Variants in BTG4 observed in about 807,000 individuals in gnomAD.
BTG4 encodes the protein BTG anti-proliferation factor 4.
BTG4 carries 10 observed loss-of-function variants against 19.3 expected under a neutral mutation model. The observed-to-expected ratio is 0.52, with a 90% CI of 0.32 to 0.88. The LOEUF (loss-of-function observed/expected upper bound fraction) is 0.88. Ranked by LOEUF, BTG4 falls within the 40% of genes least tolerant of loss-of-function variation. The pLI is 0.04. For synonymous variants in BTG4, 91 were observed against 95.7 expected, an observed-to-expected ratio of 0.95 and a Z score of 0.29; for missense variants, 238 against 281.9, an observed-to-expected ratio of 0.84 and a Z score of 1.11.
chr11:111,420,685 G>A, the BTG4 span, among the ~76,000 whole-genome samples: 88 of 152,282 alleles, frequency 5.8e-4, no homozygotes, highest in East Asian at 0.016. Flanking sequence ...GAATGCCAGA[G>A]GGATTGCAGT....
chr11:111,496,521 A>C (rs1362914991), intron 4 of BTG4: 1 of 152,222 alleles, frequency 6.6e-6, no homozygotes, highest in Non-Finnish European at 1.5e-5. Context: ...ATGAATATTA[A>C]AATTTTAATT....
chr11:111,447,417 C>T, the BTG4 span, among the ~76,000 whole-genome samples: 24 of 152,336 alleles, frequency 1.6e-4, no homozygotes, highest in East Asian at 4.4e-3. Context: ...CCTGGCTGTA[C>T]ACGCACCAAA....
chr11:111,403,825 G>A, the BTG4 span, among the ~76,000 whole-genome samples: 5 of 152,202 alleles, frequency 3.3e-5, no homozygotes, highest in African/African-American at 1.2e-4. Context: ...AATGATGGTG[G>A]TGATGATAAT....
chr11:111,465,085 CCCAGATCACTTTACCAATA>C (rs1863644045), downstream of BTG4, among the ~76,000 whole-genome samples: 1 of 152,028 alleles, frequency 6.6e-6, no homozygotes, highest in Non-Finnish European at 1.5e-5. Flanking sequence ...CCAAAGGGAC[CCCAGATCACTTTACCAATA>C]CCACTCCTTG....
chr11:111,509,915 T>C (rs1866750186), intron 1 of BTG4, among the ~76,000 whole-genome samples: 3 of 142,564 alleles, frequency 2.1e-5, no homozygotes, highest in East Asian at 2.0e-4. Flanking sequence ...TTTTTTCTTT[T>C]TTTTTTTTTT....
At chr11:111,504,496 T>G (rs992015082) in intron 1 of BTG4, among the ~76,000 whole-genome samples, 1 of 152,216 alleles carries the variant, frequency 6.6e-6, no homozygotes, top group South Asian at 2.1e-4. Context: ...TCTGCATTAC[T>G]GAGCATTCAC....
At chr11:111,433,598 A>G in the BTG4 span, among the ~76,000 whole-genome samples, 10 of 152,378 alleles carry the variant, frequency 6.6e-5, no homozygotes, top group African/African-American at 2.4e-4. Context: ...AAAAGAAACT[A>G]TCATTAGAGT....
chr11:111,441,315 C>T, the BTG4 span, among the ~76,000 whole-genome samples: 1 of 151,900 alleles, frequency 6.6e-6, no homozygotes, highest in Non-Finnish European at 1.5e-5. Context: ...TGCTCATGTT[C>T]CCACAGGAAG....
At chr11:111,453,095 G>A in the BTG4 span, among the ~76,000 whole-genome samples, 2 of 152,160 alleles carry the variant, frequency 1.3e-5, no homozygotes, top group Non-Finnish European at 2.9e-5. Flanking sequence ...GGAACTGGGA[G>A]GGAGACTAAA....
chr11:111,495,315 C>A lies in BTG4; in HGVS notation c.511-1G>T. 2 of 1,600,524 alleles carry A rather than the reference C, an allele frequency of 1.2e-6. No individual in the cohort carries two copies. The highest frequency in any genetic ancestry group is 3.5e-5 in the Admixed American group (2 of 56,410). Reference sequence around the variant, plus strand: ...GAAAGGGCTGTTTCAAGTTTTCAACCTGGAAAAAAAAAGTATAAAGATCTC... The same window carrying A: ...GAAAGGGCTGTTTCAAGTTTTCAACATGGAAAAAAAAAGTATAAAGATCTC... On this transcript the variant is annotated splice_acceptor_variant, in intron 4 of 4. Transcript: ENST00000692032. LOFTEE classifies it high-confidence loss of function.
chr11:111,445,460 T>C, the BTG4 span, among the ~76,000 whole-genome samples: 1 of 152,172 alleles, frequency 6.6e-6, no homozygotes, highest in Non-Finnish European at 1.5e-5. Flanking sequence ...CAGTTCCACA[T>C]CTTTCATCGT....
At chr11:111,446,767 A>T in the BTG4 span, among the ~76,000 whole-genome samples, 1 of 152,188 alleles carries the variant, frequency 6.6e-6, no homozygotes, top group African/African-American at 2.4e-5. Flanking sequence ...AAGGCAAAGC[A>T]GATGACTGAG....
At chr11:111,489,230 G>A (rs1865263764) in intron 5 of BTG4, among the ~76,000 whole-genome samples, 1 of 151,878 alleles carries the variant, frequency 6.6e-6, no homozygotes, top group Non-Finnish European at 1.5e-5. Context: ...AAACTACAAT[G>A]AGATATCATC....
At chr11:111,446,450 A>G in the BTG4 span, among the ~76,000 whole-genome samples, 1 of 152,212 alleles carries the variant, frequency 6.6e-6, no homozygotes, top group South Asian at 2.1e-4. Context: ...CTTCTTAGAA[A>G]GGCAGAATCT....
downstream of BTG4, among the ~76,000 whole-genome samples, chr11:111,492,086 T>C (rs955346333): frequency 6.6e-6 from 1 of 152,142 alleles, no homozygotes; most frequent in Non-Finnish European, 1.5e-5. Context: ...TTTGGAACAA[T>C]TAATTATAAT....
intron 1 of BTG4, among the ~76,000 whole-genome samples, chr11:111,506,994 T>C (rs1866496499): frequency 6.6e-6 from 1 of 151,994 alleles, no homozygotes; most frequent in Admixed American, 6.6e-5. Context: ...CCTTGAGATA[T>C]ATTCTATGAA....
intron 4 of BTG4, among the ~76,000 whole-genome samples, chr11:111,495,735 T>C (rs1944114): frequency 0.33 from 49,582 of 151,960 alleles, 8,252 homozygotes; most frequent in Middle Eastern, 0.38. Flanking sequence ...TAAAAGAATA[T>C]AGCTGATTAC....
the BTG4 span, among the ~76,000 whole-genome samples, chr11:111,390,409 T>C: frequency 2.6e-5 from 4 of 152,196 alleles, no homozygotes; most frequent in East Asian, 1.9e-4. Context: ...AGAACAAATA[T>C]CTTCCCATCA....
chr11:111,444,049 A>G, the BTG4 span, among the ~76,000 whole-genome samples: 2 of 152,174 alleles, frequency 1.3e-5, no homozygotes, highest in Non-Finnish European at 1.5e-5. Context: ...ATTATTTTTT[A>G]TGGGGAGATG....
Sources: allele counts gnomAD v4.1 joint callset (sites outside exome capture counted in the v4.1 genomes callset), GRCh38; gene constraint gnomAD v4.1.1; transcripts MANE v1.5; gene names NCBI Gene and HGNC (gene_info 2026-07-23, HGNC 2026-07-21).